The following GRM7 variants were observed in gnomAD, a reference collection of about 807,000 sequenced individuals.
GRM7 encodes the protein glutamate metabotropic receptor 7, also known as metabotropic glutamate receptor 7.
Under a neutral mutation model 84.5 loss-of-function variants are expected in GRM7, and 35 were observed. The observed-to-expected ratio is 0.41, with a 90% CI of 0.32 to 0.55. The LOEUF is 0.55. Ranked by LOEUF, GRM7 falls within the 20% of genes least tolerant of loss-of-function variation. The pLI is 0.19. For missense variants in GRM7, 1,003 were observed against 1,194.6 expected (o/e 0.84, Z 2.36); for synonymous variants, 487 against 455.1 (o/e 1.07, Z -0.89).
intron 1 of GRM7, among the ~76,000 whole-genome samples, chr3:6,985,724 A>T (rs770689032): frequency 2.3e-4 from 35 of 152,188 alleles, no homozygotes; most frequent in Non-Finnish European, 4.1e-4. Flanking sequence ...GTAGTAAGAA[A>T]AGGATGATAA....
At chr3:7,357,857 G>A (rs925076236) in intron 4 of GRM7, among the ~76,000 whole-genome samples, 1 of 151,986 alleles carries the variant, frequency 6.6e-6, no homozygotes, top group Non-Finnish European at 1.5e-5. Flanking sequence ...TGACCAAGAA[G>A]ATTGCCTGTA....
chr3:7,660,420 A>G (rs2125122472), intron 8 of GRM7, among the ~76,000 whole-genome samples: 1 of 152,362 alleles, frequency 6.6e-6, no homozygotes, highest in Middle Eastern at 3.4e-3. Context: ...ATCTTCCAAA[A>G]AGTCAAATGT....
intron 1 of GRM7, among the ~76,000 whole-genome samples, chr3:6,905,017 C>T (rs1324004082): frequency 6.6e-6 from 1 of 152,120 alleles, no homozygotes; most frequent in African/African-American, 2.4e-5. Context: ...TCACACTTGG[C>T]TCCTAATATA....
At chr3:7,051,077 C>T (rs767260441) in intron 1 of GRM7, among the ~76,000 whole-genome samples, 2 of 151,680 alleles carry the variant, frequency 1.3e-5, no homozygotes, top group Non-Finnish European at 3.0e-5. Flanking sequence ...CACTCACAAA[C>T]ATATTTTCTT....
intron 1 of GRM7, among the ~76,000 whole-genome samples, chr3:6,995,737 GA>G (rs901122544): frequency 6.6e-5 from 10 of 151,934 alleles, no homozygotes; most frequent in African/African-American, 2.2e-4. Context: ...ATTGAACACA[GA>G]AAAAAAGAAA....
rs114931668 is a variant in GRM7 at position 7,323,999 on chromosome 3, C to T, written c.1033+17347C>T. On this transcript the variant is annotated intron_variant, in intron 4 of 9. Transcript: ENST00000357716. ...CACCCTTGCTTTCTTTAAATCTTTA[C>T]GGGTGGCACCAATTTCTCATGCCTT... is the stretch of plus-strand genomic sequence containing the variant. Among the ~76,000 whole-genome samples, 1,093 of 152,206 alleles carry T rather than the reference C, an allele frequency of 7.2e-3. 9 individuals are homozygous for T. The highest frequency in any genetic ancestry group is 0.017 in the Middle Eastern group (5 of 294).
Position 7,398,124 on chromosome 3 carries a change from A to T in GRM7, c.1034-16899A>T, listed in dbSNP as rs115867461. 2.8e-3 allele frequency among the ~76,000 whole-genome samples: 434 copies of T among 152,328 alleles called. 8 individuals are homozygous for T. The highest frequency in any genetic ancestry group is 0.01 in the African/African-American group (423 of 41,570). ...GGAATGACTTTTAAAATGACTGCAT[A>T]GTCAGAATTATTGAGTTGAGGGACT... On this transcript the variant is annotated intron_variant, in intron 4 of 9. Coordinates refer to ENST00000357716, the MANE Select transcript of GRM7 (RefSeq NM_000844.4).
intron 1 of GRM7, among the ~76,000 whole-genome samples, chr3:7,014,035 A>AT (rs748273143): frequency 1.3e-5 from 2 of 152,108 alleles, no homozygotes; most frequent in Non-Finnish European, 2.9e-5. Flanking sequence ...ATTCTGATAG[A>AT]TTTTTTGGTG....
chr3:7,452,725 T>C lies in GRM7; in HGVS notation c.1293T>C (p.Ala431=). 1 of 1,612,986 alleles carries C rather than the reference T, an allele frequency of 6.2e-7. No homozygotes were observed. The highest frequency in any genetic ancestry group is 8.5e-7 in the Non-Finnish European group (1 of 1,179,136). ...ACCACATGAACAAGGATCTCTGTGC[T>C]GACTACCGGGGTGTCTGCCCAGAGA... The part of the protein sequence containing the change: ...ALHHMNKDLC[A]DYRGVCPEME... The change falls in exon 6 of 10, where the codon GCT becomes GCC. Residue 431 remains alanine, a synonymous_variant. Coordinates refer to ENST00000357716, the MANE Select transcript of GRM7 (RefSeq NM_000844.4).
intron 9 of GRM7, among the ~76,000 whole-genome samples, chr3:7,719,779 AACACAC>A (rs71043692): frequency 0.057 from 7,588 of 133,450 alleles, 336 homozygotes; most frequent in East Asian, 0.17. Flanking sequence ...ACCACTGGGC[AACACAC>A]ACACACACAC....
At chr3:7,656,545 GCGCACACACACACACACA>G (rs1699202567) in intron 8 of GRM7, among the ~76,000 whole-genome samples, 1 of 120,348 alleles carries the variant, frequency 8.3e-6, no homozygotes, top group African/African-American at 3.9e-5. Flanking sequence ...ATATACGCGC[GCGCACACACACACACACA>G]CACACACACA....
chr3:7,164,298 G>T (rs1285036632), intron 2 of GRM7, among the ~76,000 whole-genome samples: 1 of 152,194 alleles, frequency 6.6e-6, no homozygotes, highest in African/African-American at 2.4e-5. Context: ...GGCAGAGGTT[G>T]CAGTGAGCCA....
intron 7 of GRM7, among the ~76,000 whole-genome samples, chr3:7,493,397 C>CT (rs150699622): frequency 2.9e-4 from 44 of 150,736 alleles, no homozygotes; most frequent in African/African-American, 4.4e-4. Flanking sequence ...TTGATTGATC[C>CT]TTTTTTTTTC....
intron 7 of GRM7, among the ~76,000 whole-genome samples, chr3:7,505,419 G>C (rs1421324453): frequency 1.3e-5 from 2 of 152,236 alleles, no homozygotes; most frequent in Non-Finnish European, 2.9e-5. Flanking sequence ...CTTAGCAGCA[G>C]CTTTGACTTC....
intron 2 of GRM7, among the ~76,000 whole-genome samples, chr3:7,184,552 T>C (rs1695451082): frequency 6.6e-6 from 1 of 151,996 alleles, no homozygotes; most frequent in Non-Finnish European, 1.5e-5. Flanking sequence ...CTGTTCTCTA[T>C]CCCTCAACTT....
At chr3:7,232,262 A>C (rs1261532911) in intron 2 of GRM7, among the ~76,000 whole-genome samples, 1 of 152,118 alleles carries the variant, frequency 6.6e-6, no homozygotes, top group Non-Finnish European at 1.5e-5. Flanking sequence ...AAAAAAAAAA[A>C]AGTTGAATTC....
intron 1 of GRM7, among the ~76,000 whole-genome samples, chr3:6,899,313 T>G (rs1696304977): frequency 6.6e-6 from 1 of 152,170 alleles, no homozygotes; most frequent in Admixed American, 6.6e-5. Context: ...AATTAATTCT[T>G]AATGAATCTG....
chr3:7,556,772 AT>A (rs1311208258), intron 7 of GRM7, among the ~76,000 whole-genome samples: 2 of 152,172 alleles, frequency 1.3e-5, no homozygotes, highest in African/African-American at 2.4e-5. Flanking sequence ...TTTCACCTAA[AT>A]CAGAGATTAG....
At chr3:7,169,316 T>G (rs1694907756) in intron 2 of GRM7, among the ~76,000 whole-genome samples, 1 of 152,186 alleles carries the variant, frequency 6.6e-6, no homozygotes, top group South Asian at 2.1e-4. Context: ...GTCCCTTTGT[T>G]AATAAAGGTT....
Sources: gnomAD v4.1 joint callset for allele counts (sites outside exome capture counted in the v4.1 genomes callset) on GRCh38, gnomAD v4.1.1 for gene constraint, MANE v1.5 for transcripts, NCBI Gene and HGNC (gene_info 2026-07-23, HGNC 2026-07-21) for gene names.